Variants in USP42 observed in about 807,000 individuals in gnomAD.
USP42 encodes the protein ubiquitin carboxyl-terminal hydrolase 42.
A neutral mutation model predicts 113.0 loss-of-function variants in USP42; 23 were observed. The observed-to-expected ratio is 0.20, with a 90% confidence interval of 0.15 to 0.29. The LOEUF (loss-of-function observed/expected upper bound fraction) is 0.29. Ranked by LOEUF, USP42 falls within the 10% of genes least tolerant of loss-of-function variation. The pLI, the probability that USP42 is intolerant of heterozygous loss-of-function variation, is 1.00. For synonymous variants in USP42, 933 were observed against 699.0 expected (o/e 1.33, Z -5.28); for missense variants, 2,174 against 1,779.8 (o/e 1.22, Z -3.99).
intron 3 of USP42, among the ~76,000 whole-genome samples, chr7:6,119,902 A>G (rs1002517823): frequency 2.0e-5 from 3 of 151,960 alleles, no homozygotes; most frequent in Non-Finnish European, 4.4e-5. Flanking sequence ...CAGTCTCACC[A>G]TGTTGCCCAG....
the USP42 span, chr7:6,081,916 T>C: frequency 6.6e-6 from 1 of 152,096 alleles, no homozygotes; most frequent in Admixed American, 6.6e-5. Flanking sequence ...ATAAATAAAA[T>C]ACAGTATACC....
chr7:6,143,811 G>T (rs577317070), intron 8 of USP42, among the ~76,000 whole-genome samples: 4 of 152,236 alleles, frequency 2.6e-5, no homozygotes, highest in African/African-American at 9.6e-5. Context: ...AGAGGAAGTT[G>T]TGTTAACCTA....
At position 6,125,286 on chromosome 7, in the gene USP42, T is replaced by G. The variant is rs117129316; in HGVS notation, c.442+9763T>G. 8.5e-3 allele frequency among the ~76,000 whole-genome samples: 1,292 copies of G among 151,774 alleles called. 23 individuals are homozygous for G. Among genetic ancestry groups the G allele is most frequent in the East Asian group, 0.067 (348 of 5,162 alleles). ...GGAGGATCACCTGAGGATGGGAGTT[T>G]GAGACCAGCCTGGTCAATATGGTGA... On this transcript the variant is annotated intron_variant, in intron 3 of 17. Transcript: ENST00000306177.
chr7:6,113,091 G>T (rs933168510), intron 2 of USP42, among the ~76,000 whole-genome samples: 8 of 151,770 alleles, frequency 5.3e-5, no homozygotes, highest in African/African-American at 1.9e-4. Flanking sequence ...TTTTAGTAGA[G>T]ACGGGGTTTC....
chr7:6,147,329 G>A (rs1355615295), intron 11 of USP42, among the ~76,000 whole-genome samples: 2 of 152,196 alleles, frequency 1.3e-5, no homozygotes, highest in Non-Finnish European at 2.9e-5. Flanking sequence ...CAGGCGTGGT[G>A]GTGCATGTCT....
rs932365139 is a variant in USP42 at position 6,150,638 on chromosome 7, T to C, written c.2201+132T>C. 3.6e-5 allele frequency: 31 copies of C among 851,506 alleles called. No individual in the cohort carries two copies. In the Middle Eastern group the frequency reaches 1.3e-3, roughly 35 times the overall value. 52.7% of individuals were successfully genotyped at this position (851,506 alleles called of 1,614,324 possible). On this transcript the variant is annotated intron_variant, in intron 14 of 17. Transcript: ENST00000306177. ...TTGAATCCTAGAATGATTTGAATTA[T>C]AATGTATAGGATTTATTAACTTGCC...
chr7:6,131,189 T>C (rs1273044615), intron 3 of USP42, among the ~76,000 whole-genome samples: 1 of 152,188 alleles, frequency 6.6e-6, no homozygotes, highest in Non-Finnish European at 1.5e-5. Flanking sequence ...GAAAGATCTT[T>C]AGGATGTCAA....
the USP42 span, among the ~76,000 whole-genome samples, chr7:6,097,185 C>T: frequency 4.0e-5 from 6 of 151,028 alleles, no homozygotes; most frequent in African/African-American, 9.9e-5. Flanking sequence ...ACAGCCACCT[C>T]GGGGTACCAC....
In USP42 at chr7:6,157,253, G is replaced by A. The variant is rs185385071; in HGVS notation, c.3943+198G>A. The A allele has an allele frequency of 1.6e-5, 22 of 1,339,446 alleles. No homozygotes were observed. The Admixed American group carries it at 2.2e-4, about 13-fold the overall frequency. 83.0% of individuals were successfully genotyped at this position (1,339,446 alleles called of 1,614,324 possible). On this transcript the variant is annotated intron_variant, in intron 16 of 17. Coordinates refer to ENST00000306177, the MANE Select transcript of USP42 (RefSeq NM_032172.3). The surrounding 1 kb of genome is among the most constrained non-coding windows in gnomAD (Gnocchi z 4.1). ...TCCGTTGCACAGTTAAGCCCTTAGCGTTTATTGAAGGCCTAAGTGACACAG... is the reference window on the plus strand; with the variant it reads ...TCCGTTGCACAGTTAAGCCCTTAGCATTTATTGAAGGCCTAAGTGACACAG...
At chr7:6,153,300 A>T (rs1006544046) in intron 14 of USP42, among the ~76,000 whole-genome samples, 5 of 141,238 alleles carry the variant, frequency 3.5e-5, no homozygotes, top group African/African-American at 1.5e-4. Context: ...AATGAAACAA[A>T]ACAAAAAAAA....
chr7:6,106,642 G>A (rs1180358726), intron 1 of USP42, among the ~76,000 whole-genome samples: 1 of 152,132 alleles, frequency 6.6e-6, no homozygotes, highest in African/African-American at 2.4e-5. Flanking sequence ...GTAGCTCACT[G>A]TAGCCTCAAT....
rs145626843 is a variant in USP42 at position 6,111,579 on chromosome 7, ATAT to A, written c.241+211_241+213del. ...GGGTAGATTGTTTTTAGTTGCTAGA[ATAT>A]TATTAGTTTCTTTTATTCCAATTTT... On this transcript the variant is annotated intron_variant, in intron 2 of 17. Transcript: ENST00000306177. Among the ~76,000 whole-genome samples, 167 of 151,644 alleles carry A rather than the reference ATAT, an allele frequency of 1.1e-3. 4 individuals carry two copies. The East Asian group carries it at 0.025, about 23-fold the overall frequency.
At position 6,111,470 on chromosome 7, in the gene USP42, G is replaced by A. The variant is rs749143956; in HGVS notation, c.241+96G>A. ...CAGAGAGGGGCTTATTTTGCAAGGC[G>A]TGAGGCCACCTGAGTGGCCAGCAGA... On this transcript the variant is annotated intron_variant, in intron 2 of 17. Coordinates refer to ENST00000306177, the MANE Select transcript of USP42 (RefSeq NM_032172.3). The A allele has an allele frequency of 1.7e-3, 2,414 of 1,459,718 alleles. 3 individuals carry two copies. Among genetic ancestry groups the A allele is most frequent in the Non-Finnish European group, 1.9e-3 (2,108 of 1,089,986 alleles). 90.4% of individuals were successfully genotyped at this position (1,459,718 alleles called of 1,614,324 possible).
At chr7:6,116,811 C>T (rs761674708) in intron 3 of USP42, 2 of 533,140 alleles carry the variant, frequency 3.8e-6, no homozygotes, top group African/African-American at 1.9e-5. Context: ...ATTCATTCCC[C>T]ACAGACAGCT....
chr7:6,152,997 G>T (rs1267260013), intron 14 of USP42: 1 of 984,062 alleles, frequency 1.0e-6, no homozygotes, highest in East Asian at 1.1e-4. Context: ...GCGGCCAGGC[G>T]CGGTGGCTCA....
At chr7:6,091,476 C>G in the USP42 span, among the ~76,000 whole-genome samples, 14 of 150,810 alleles carry the variant, frequency 9.3e-5, no homozygotes, top group Non-Finnish European at 2.9e-5. Flanking sequence ...GATTCTCCTA[C>G]TTTGGCCTCC....
chr7:6,142,648 C>T (rs910303889), intron 7 of USP42, among the ~76,000 whole-genome samples: 2 of 151,962 alleles, frequency 1.3e-5, no homozygotes, highest in African/African-American at 4.8e-5. Flanking sequence ...TTTGGGAGGT[C>T]GAGGTGGGAG....
chr7:6,115,173 T>G, intron 2 of USP42, 150 bp from the exon 3 acceptor site: 1 of 736,194 alleles, frequency 1.4e-6, no homozygotes. Flanking sequence ...GTTTCTGTCT[T>G]TTAAAATGTC....
chr7:6,132,305 G>A (rs1482800072), intron 3 of USP42, among the ~76,000 whole-genome samples: 4 of 152,038 alleles, frequency 2.6e-5, no homozygotes, highest in South Asian at 4.2e-4. Context: ...GTCTGTTGTC[G>A]TTTTTACCTT....
Sources: allele counts gnomAD v4.1 joint callset (sites outside exome capture counted in the v4.1 genomes callset), GRCh38; gene constraint gnomAD v4.1.1; non-coding constraint Gnocchi (gnomAD v3.1); transcripts MANE v1.5; gene names NCBI Gene and HGNC (gene_info 2026-07-23, HGNC 2026-07-21).